IGSF21: variants seen among roughly 807,000 people sequenced by gnomAD.
IGSF21 encodes the protein immunoglobin superfamily member 21, also known as immunoglobulin superfamily member 21.
IGSF21 carries 28 observed loss-of-function variants against 46.8 expected under a neutral mutation model. The ratio of observed to expected loss-of-function variants is 0.60; its 90% CI spans 0.44 to 0.82. The LOEUF is 0.82. Among genes scored for constraint, IGSF21 ranks in the 40% least tolerant of loss-of-function variants. The pLI, the probability that IGSF21 is intolerant of heterozygous loss-of-function variation, is 0.00. For missense variants in IGSF21, 624 were observed against 665.5 expected (o/e 0.94, Z 0.69); for synonymous variants, 284 against 273.6 (o/e 1.04, Z -0.38).
intron 1 of IGSF21, among the ~76,000 whole-genome samples, chr1:18,162,119 C>CA (rs1287244966): frequency 6.6e-6 from 1 of 152,108 alleles, no homozygotes; most frequent in South Asian, 2.1e-4. Flanking sequence ...ACTCACAACT[C>CA]ACTGCAGCCT....
At chr1:18,350,491 T>C (rs936115626) in intron 4 of IGSF21, among the ~76,000 whole-genome samples, 4 of 152,198 alleles carry the variant, frequency 2.6e-5, no homozygotes, top group Non-Finnish European at 5.9e-5. Flanking sequence ...TTTACAAAGA[T>C]GCAATCCAAG....
intron 1 of IGSF21, chr1:18,113,197 G>C (rs2086157946): frequency 6.6e-6 from 1 of 152,144 alleles, no homozygotes; most frequent in Admixed American, 6.5e-5. Context: ...GTCAGTGGTG[G>C]TAAAACACAT....
intron 2 of IGSF21, chr1:18,279,012 C>T (rs533335321): frequency 2.4e-6 from 1 of 424,560 alleles, no homozygotes. Context: ...TGTCTCTGAG[C>T]CTCATCTGTC....
At chr1:18,255,130 C>G (rs2084878900) in intron 2 of IGSF21, among the ~76,000 whole-genome samples, 1 of 152,220 alleles carries the variant, frequency 6.6e-6, no homozygotes, top group African/African-American at 2.4e-5. Context: ...GCCCCTTCCT[C>G]TGTAGAGATG....
intron 1 of IGSF21, chr1:18,114,041 T>C (rs896522489): frequency 6.6e-6 from 1 of 152,188 alleles, no homozygotes; most frequent in Admixed American, 6.5e-5. Context: ...GGATCCCATG[T>C]GATAACCTCT....
At chr1:18,270,323 A>G (rs1022997873) in intron 2 of IGSF21, among the ~76,000 whole-genome samples, 2 of 152,220 alleles carry the variant, frequency 1.3e-5, no homozygotes, top group African/African-American at 4.8e-5. Flanking sequence ...TCCATCCCTT[A>G]TAATGGTTTC....
intron 2 of IGSF21, among the ~76,000 whole-genome samples, chr1:18,240,389 C>G (rs922919960): frequency 6.6e-6 from 1 of 152,236 alleles, no homozygotes; most frequent in African/African-American, 2.4e-5. Context: ...GAAAGACTGT[C>G]AAATAAATGC....
chr1:18,179,383 C>T (rs550413592), intron 1 of IGSF21: 52 of 152,322 alleles, frequency 3.4e-4, no homozygotes, highest in African/African-American at 1.2e-3. Context: ...AGCCTGGCCC[C>T]ATTGTGACTT....
intron 1 of IGSF21, among the ~76,000 whole-genome samples, chr1:18,128,503 A>G (rs1183115020): frequency 6.6e-6 from 1 of 152,156 alleles, no homozygotes; most frequent in Non-Finnish European, 1.5e-5. Flanking sequence ...GGAATCTGTC[A>G]CTGGTAATTC....
chr1:18,245,018 T>C (rs1299102101), intron 2 of IGSF21, among the ~76,000 whole-genome samples: 2 of 152,194 alleles, frequency 1.3e-5, no homozygotes, highest in Admixed American at 6.5e-5. Flanking sequence ...TGACGCTATA[T>C]AAATATTGGT....
At chr1:18,358,265 TA>T (rs1438736011) in intron 4 of IGSF21, among the ~76,000 whole-genome samples, 2 of 152,148 alleles carry the variant, frequency 1.3e-5, no homozygotes, top group African/African-American at 4.8e-5. Context: ...AAATATAATG[TA>T]AAGTACATAT....
At chr1:18,305,546 T>TGGATGATG (rs1553162252) in intron 3 of IGSF21, among the ~76,000 whole-genome samples, 2 of 123,786 alleles carry the variant, frequency 1.6e-5, no homozygotes, top group Non-Finnish European at 3.5e-5. Flanking sequence ...GATGGATGGA[T>TGGATGATG]GATGGATGGA....
intron 4 of IGSF21, among the ~76,000 whole-genome samples, chr1:18,336,487 A>G (rs1325413358): frequency 3.3e-5 from 5 of 152,222 alleles, no homozygotes; most frequent in African/African-American, 1.2e-4. Flanking sequence ...CACAGCCAAG[A>G]TCACAAAATC....
intron 2 of IGSF21, among the ~76,000 whole-genome samples, chr1:18,269,381 G>T (rs2085021572): frequency 6.6e-6 from 1 of 152,224 alleles, no homozygotes; most frequent in Non-Finnish European, 1.5e-5. Flanking sequence ...TCATTGGCAT[G>T]GATGCAAGTG....
intron 1 of IGSF21, among the ~76,000 whole-genome samples, chr1:18,196,162 AGG>A (rs1365052367): frequency 6.6e-6 from 1 of 152,164 alleles, no homozygotes; most frequent in African/African-American, 2.4e-5. Flanking sequence ...GAGTTTAATC[AGG>A]GGGCTGAATG....
At chr1:18,303,018 G>A (rs964346158) in intron 3 of IGSF21, among the ~76,000 whole-genome samples, 14 of 152,264 alleles carry the variant, frequency 9.2e-5, no homozygotes, top group South Asian at 2.1e-4. Flanking sequence ...CTCTGGTGAT[G>A]CACTAGGGTA....
At chr1:18,251,620 G>A (rs1253397210) in intron 2 of IGSF21, among the ~76,000 whole-genome samples, 5 of 152,188 alleles carry the variant, frequency 3.3e-5, no homozygotes, top group East Asian at 1.9e-4. Context: ...CCATCCACAC[G>A]GATGCAACTG....
chr1:18,231,397 G>T (rs958562454), intron 2 of IGSF21, among the ~76,000 whole-genome samples: 1 of 152,158 alleles, frequency 6.6e-6, no homozygotes, highest in African/African-American at 2.4e-5. Flanking sequence ...CCCCTCAAGG[G>T]AGGGGAAGGA....
chr1:18,249,359 G>A (rs80006755), intron 2 of IGSF21, among the ~76,000 whole-genome samples: 3,071 of 152,226 alleles, frequency 0.02, 123 homozygotes, highest in East Asian at 0.14. Context: ...TCAGCAGTTG[G>A]GGGTGGATCA....
Sources: gnomAD v4.1 joint callset for allele counts (sites outside exome capture counted in the v4.1 genomes callset) on GRCh38, gnomAD v4.1.1 for gene constraint, MANE v1.5 for transcripts, NCBI Gene and HGNC (gene_info 2026-07-23, HGNC 2026-07-21) for gene names.